Variants in CLDN16 observed in about 807,000 individuals in gnomAD.
CLDN16 encodes claudin 16, also known as claudin-16.
Under a neutral mutation model 24.6 loss-of-function variants are expected in CLDN16, and 13 were observed. That is an observed-to-expected ratio of 0.53 (90% CI 0.34 to 0.84). CLDN16 has a LOEUF of 0.84. CLDN16 is among the 40% of genes least tolerant of loss of function. CLDN16 has a pLI of 0.01. For synonymous variants in CLDN16, 116 were observed against 106.7 expected (o/e 1.09, Z -0.54); for missense variants, 298 against 292.7 (o/e 1.02, Z -0.13).
chr3:190,357,439 T>G (rs918301524), intron 1 of CLDN16, among the ~76,000 whole-genome samples: 1 of 151,930 alleles, frequency 6.6e-6, no homozygotes, highest in Non-Finnish European at 1.5e-5. Flanking sequence ...AACAACTCTT[T>G]AACTCTTCTT....
At chr3:190,346,292 G>A (rs1717548368) in intron 1 of CLDN16, among the ~76,000 whole-genome samples, 1 of 152,162 alleles carries the variant, frequency 6.6e-6, no homozygotes, top group Non-Finnish European at 1.5e-5. Context: ...GGAAAAAGAA[G>A]TACCATGTAG....
intron 1 of CLDN16, among the ~76,000 whole-genome samples, chr3:190,354,447 A>G (rs954582215): frequency 1.3e-5 from 2 of 151,926 alleles, no homozygotes; most frequent in Non-Finnish European, 2.9e-5. Context: ...TTATATAAAA[A>G]GGGATTTTGA....
intron 1 of CLDN16, among the ~76,000 whole-genome samples, chr3:190,400,229 C>T (rs1718928766): frequency 6.7e-6 from 1 of 150,344 alleles, no homozygotes; most frequent in Non-Finnish European, 1.5e-5. Context: ...TATTTTTTAC[C>T]TCGAGGTTTT....
At chr3:190,319,573 A>G (rs1328723926), upstream of CLDN16, among the ~76,000 whole-genome samples, 1 of 152,188 alleles carries the variant, frequency 6.6e-6, no homozygotes, top group African/African-American at 2.4e-5. Flanking sequence ...GCAGGGAAAC[A>G]ACAGATTTTA....
At chr3:190,403,623 T>C (rs1204607451) in intron 2 of CLDN16, among the ~76,000 whole-genome samples, 1 of 152,214 alleles carries the variant, frequency 6.6e-6, no homozygotes, top group Non-Finnish European at 1.5e-5. Flanking sequence ...ATGTGACTTT[T>C]CCCCTGAACC....
intron 1 of CLDN16, among the ~76,000 whole-genome samples, chr3:190,344,119 T>C (rs889692131): frequency 6.7e-6 from 1 of 148,220 alleles, no homozygotes; most frequent in East Asian, 1.9e-4. Flanking sequence ...AAATGAAATA[T>C]AAAAAATATA....
chr3:190,320,072 G>GT (rs367744423), upstream of CLDN16, among the ~76,000 whole-genome samples: 1 of 144,540 alleles, frequency 6.9e-6, no homozygotes, highest in Non-Finnish European at 1.5e-5. Context: ...TAAAGTGTGT[G>GT]TGGGGGGGTA....
intron 1 of CLDN16, among the ~76,000 whole-genome samples, chr3:190,353,246 A>C (rs1264832218): frequency 6.6e-6 from 1 of 152,076 alleles, no homozygotes; most frequent in Non-Finnish European, 1.5e-5. Flanking sequence ...TGCTGTGAGC[A>C]ATTTACTTTC....
chr3:190,313,717 A>T, the CLDN16 span, among the ~76,000 whole-genome samples: 1 of 152,194 alleles, frequency 6.6e-6, no homozygotes, highest in African/African-American at 2.4e-5. Flanking sequence ...TAGTTTTTTA[A>T]AACTATTTAA....
chr3:190,310,681 A>C, the CLDN16 span, among the ~76,000 whole-genome samples: 2 of 152,318 alleles, frequency 1.3e-5, no homozygotes, highest in Admixed American at 6.5e-5. Flanking sequence ...CTCAAAATTT[A>C]CATTTCTGCA....
At chr3:190,331,931 T>G (rs1212607945) in intron 1 of CLDN16, among the ~76,000 whole-genome samples, 4 of 152,180 alleles carry the variant, frequency 2.6e-5, no homozygotes, top group African/African-American at 9.6e-5. Context: ...CTCATGGCCA[T>G]CTTCCTCCGT....
At chr3:190,402,907 A>G (rs193256225) in intron 2 of CLDN16, among the ~76,000 whole-genome samples, 1 of 152,306 alleles carries the variant, frequency 6.6e-6, no homozygotes, top group East Asian at 1.9e-4. Context: ...AGAGGCAGAA[A>G]GAGGCAGACA....
intron 1 of CLDN16, among the ~76,000 whole-genome samples, chr3:190,325,100 C>T (rs1305580674): frequency 2.0e-5 from 3 of 152,164 alleles, no homozygotes; most frequent in Non-Finnish European, 4.4e-5. Context: ...TAAGTAATGA[C>T]AGCTGGCACT....
intron 2 of CLDN16, among the ~76,000 whole-genome samples, chr3:190,371,467 G>T (rs975120971): frequency 6.6e-6 from 1 of 151,868 alleles, no homozygotes. Flanking sequence ...TCTCTATTAA[G>T]AAGGAACTTA....
chr3:190,318,322 C>T (rs78405484), upstream of CLDN16, among the ~76,000 whole-genome samples: 929 of 152,256 alleles, frequency 6.1e-3, 3 homozygotes, highest in African/African-American at 0.021. Flanking sequence ...ATTATATTTC[C>T]TTAATCACTC....
intron 1 of CLDN16, among the ~76,000 whole-genome samples, chr3:190,367,874 A>G (rs140938496): frequency 1.8e-3 from 273 of 152,078 alleles, no homozygotes; most frequent in Non-Finnish European, 3.0e-3. Flanking sequence ...TTACATTCCC[A>G]TAATCTTTCC....
chr3:190,301,074 C>G, the CLDN16 span, among the ~76,000 whole-genome samples: 2 of 152,210 alleles, frequency 1.3e-5, no homozygotes, highest in Non-Finnish European at 2.9e-5. Flanking sequence ...TTGACTCAAT[C>G]CTGTGAAACT....
chr3:190,353,009 T>C (rs951867813), intron 1 of CLDN16, among the ~76,000 whole-genome samples: 1 of 152,074 alleles, frequency 6.6e-6, no homozygotes, highest in African/African-American at 2.4e-5. Flanking sequence ...TTTAATTTCC[T>C]CCTCAGCTCT....
chr3:190,306,168 T>A, the CLDN16 span: 1 of 152,340 alleles, frequency 6.6e-6, no homozygotes, highest in Middle Eastern at 3.4e-3. Flanking sequence ...AGATAGCACC[T>A]TATGAGTTAT....
Sources: allele counts gnomAD v4.1 joint callset (sites outside exome capture counted in the v4.1 genomes callset), GRCh38; gene constraint gnomAD v4.1.1; transcripts MANE v1.5; gene names NCBI Gene and HGNC (gene_info 2026-07-23, HGNC 2026-07-21).